METAP2: variants seen among roughly 807,000 people sequenced by gnomAD.
METAP2 encodes methionine aminopeptidase 2.
METAP2 carries 25 observed loss-of-function variants against 59.4 expected under a neutral mutation model. That is an observed-to-expected ratio of 0.42 (90% CI 0.31 to 0.59). METAP2 has a LOEUF of 0.59. Ranked by LOEUF, METAP2 falls within the 20% of genes least tolerant of loss-of-function variation. The pLI, the probability that METAP2 is intolerant of heterozygous loss-of-function variation, is 0.16. For missense variants in METAP2, 366 were observed against 581.2 expected, an observed-to-expected ratio of 0.63 and a Z score of 3.81; for synonymous variants, 214 against 194.1, an observed-to-expected ratio of 1.10 and a Z score of -0.85.
At chr12:95,511,045 G>A (rs1046340936) in intron 8 of METAP2, among the ~76,000 whole-genome samples, 3 of 152,116 alleles carry the variant, frequency 2.0e-5, no homozygotes, top group Non-Finnish European at 4.4e-5. Context: ...TCGTGAATAT[G>A]CCACAATTTG....
intron 8 of METAP2, among the ~76,000 whole-genome samples, chr12:95,507,874 G>C (rs2076373671): frequency 6.6e-6 from 1 of 151,180 alleles, no homozygotes; most frequent in African/African-American, 2.4e-5. Context: ...CGCCTCCCAG[G>C]TTCAAGCAGT....
chr12:95,497,994 G>A (rs2076287565), intron 7 of METAP2, among the ~76,000 whole-genome samples: 1 of 151,774 alleles, frequency 6.6e-6, no homozygotes, highest in Admixed American at 6.6e-5. Context: ...ATAGCTGGGT[G>A]TGGTGGCGGG....
rs752110034 is a variant in METAP2, at chr12:95,495,114, A to G, written c.748A>G (p.Ile250Val). ...ATTACAGTATGATGACATCTGTAAAATAGACTTTGGAACACATATAAGTGG... is the reference window on the plus strand; with the variant it reads ...ATTACAGTATGATGACATCTGTAAAGTAGACTTTGGAACACATATAAGTGG... ...TVLQYDDICK[I>V]DFGTHISGRI... The change falls in exon 6 of 11, where the codon ATA (isoleucine) becomes GTA (valine). Residue 250 changes from isoleucine (I) to valine (V), a missense_variant. By Grantham distance (29) the Ile-to-Val change is conservative. Coordinates refer to ENST00000323666, the MANE Select transcript of METAP2 (RefSeq NM_006838.4). 1 of 1,613,058 alleles carries G rather than the reference A, an allele frequency of 6.2e-7. No homozygotes were observed. The highest frequency in any genetic ancestry group is 2.2e-5 in the East Asian group (1 of 44,844).
chr12:95,494,152 A>G lies in METAP2; in HGVS notation c.525A>G (p.Ala175=). The change falls in exon 5 of 11, where the codon GCA becomes GCG. Residue 175 remains alanine, a synonymous_variant. Transcript: ENST00000323666. ...ATGATTTTCGAGAAGCTGCAGAAGC[A>G]CATCGACAAGTTAGAAAATACGTAA... ...IWNDFREAAE[A]HRQVRKYVMS... is the part of the protein sequence containing the mutation. The G allele has an allele frequency of 6.2e-7, 1 of 1,614,106 alleles. No homozygotes were observed. The highest frequency in any genetic ancestry group is 8.5e-7 in the Non-Finnish European group (1 of 1,179,980).
intron 7 of METAP2, among the ~76,000 whole-genome samples, chr12:95,503,142 A>G (rs1238882443): frequency 1.3e-5 from 2 of 152,054 alleles, no homozygotes; most frequent in African/African-American, 4.8e-5. Context: ...TATGTTGAAC[A>G]CTGCCTATTT....
At position 95,514,633 on chromosome 12, in the gene METAP2, C is replaced by G. The variant is rs917240880; in HGVS notation, c.*729C>G. The G allele has an allele frequency of 6.6e-6, 1 of 152,156 alleles. No individual in the cohort carries two copies. Among genetic ancestry groups the G allele is most frequent in the African/African-American group, 2.4e-5 (1 of 41,428 alleles). 9.4% of individuals were successfully genotyped at this position (152,156 alleles called of 1,614,324 possible). On this transcript the variant is annotated 3_prime_UTR_variant, in exon 11 of 11. Transcript: ENST00000323666. ...TAATTGAAACTTGACTTAGTAGGAACATTGTGCCAACTCAAAACCTTGATT... is the reference window on the plus strand; with the variant it reads ...TAATTGAAACTTGACTTAGTAGGAAGATTGTGCCAACTCAAAACCTTGATT...
rs2076441532 is a variant in METAP2, at chr12:95,515,548, CT to C, written c.*1648del. 6.6e-6 allele frequency: 1 copy of C among 152,282 alleles called. No homozygotes were observed. Among genetic ancestry groups the C allele is most frequent in the South Asian group, 2.1e-4 (1 of 4,830 alleles). 9.4% of individuals were successfully genotyped at this position (152,282 alleles called of 1,614,324 possible). A position where few individuals can be genotyped will look rare whatever the true frequency, so the allele number is the denominator to read the frequency against. On this transcript the variant is annotated 3_prime_UTR_variant, in exon 11 of 11. Transcript: ENST00000323666. Reference sequence around the variant, plus strand: ...TAGAATTGACCTTTATGAGTGAAGACTTTTGGAGCTTTTAAAGACCTTGGCA... The same window carrying C: ...TAGAATTGACCTTTATGAGTGAAGACTTTGGAGCTTTTAAAGACCTTGGCA...
intron 8 of METAP2, among the ~76,000 whole-genome samples, chr12:95,509,846 C>A (rs2076388865): frequency 6.8e-6 from 1 of 147,748 alleles, no homozygotes; most frequent in Admixed American, 6.7e-5. Flanking sequence ...TCCCCCCCAA[C>A]CTTTTTTTTT....
chr12:95,499,965 G>A (rs141808816), intron 7 of METAP2, among the ~76,000 whole-genome samples: 26 of 152,294 alleles, frequency 1.7e-4, no homozygotes, highest in African/African-American at 6.0e-4. Context: ...CCACCCCCAT[G>A]ATCCTATCAC....
chr12:95,475,951 T>C, intron 1 of METAP2, 120 bp from the exon 2 acceptor site: 1 of 605,294 alleles, frequency 1.7e-6, no homozygotes, highest in South Asian at 2.1e-5. Flanking sequence ...ATGTTCACAA[T>C]AATGTTTCTG....
At chr12:95,501,574 G>C (rs1362797828) in intron 7 of METAP2, among the ~76,000 whole-genome samples, 1 of 152,108 alleles carries the variant, frequency 6.6e-6, no homozygotes, top group Non-Finnish European at 1.5e-5. Flanking sequence ...AATTAGCTAG[G>C]CTTAGTGGCA....
chr12:95,504,052 ACT>A lies in METAP2; in HGVS notation c.868-10_868-9del, dbSNP rs778800399. 4.4e-6 allele frequency: 7 copies of A among 1,597,588 alleles called. No homozygotes were observed. The Admixed American group carries it at 1.0e-4, about 24-fold the overall frequency. ...CACTTTGAATAATAAAGCATATGTTACTCTTTTTTTAGTGTGCTGGAATTGAT... is the reference window on the plus strand; with the variant it reads ...CACTTTGAATAATAAAGCATATGTTACTTTTTTTAGTGTGCTGGAATTGAT... On this transcript the variant is annotated splice_polypyrimidine_tract_variant and intron_variant, in intron 7 of 10. Coordinates refer to ENST00000323666, the MANE Select transcript of METAP2 (RefSeq NM_006838.4).
chr12:95,486,501 CT>C (rs796963696), intron 4 of METAP2, among the ~76,000 whole-genome samples: 235 of 142,394 alleles, frequency 1.7e-3, no homozygotes, highest in Admixed American at 1.6e-3. Context: ...TTTAATGTTA[CT>C]TTTTTTTTTT....
chr12:95,496,177 G>A lies in METAP2; in HGVS notation c.867+79G>A, dbSNP rs186428832. ...CTTTTAAACACTTAACAGCATTTAAGCACTTTTAAGGCCTGTTTAAGGGCT... is the reference window on the plus strand; with the variant it reads ...CTTTTAAACACTTAACAGCATTTAAACACTTTTAAGGCCTGTTTAAGGGCT... On this transcript the variant is annotated intron_variant, in intron 7 of 10. Transcript: ENST00000323666. The A allele has an allele frequency of 2.6e-3, 2,233 of 845,094 alleles. 7 individuals carry two copies. The highest frequency in any genetic ancestry group is 3.5e-3 in the Non-Finnish European group (1,832 of 529,786). The allele number at this position is 845,094 out of a possible 1,614,324, so 52.3% of individuals were successfully genotyped here. A position where few individuals can be genotyped will look rare whatever the true frequency, so the allele number is the denominator to read the frequency against.
intron 8 of METAP2, among the ~76,000 whole-genome samples, chr12:95,506,296 C>CTTTT (rs59794359): frequency 6.7e-5 from 8 of 119,746 alleles, no homozygotes; most frequent in East Asian, 2.2e-4. Flanking sequence ...AATATATATG[C>CTTTT]TTTTTTTTTT....
intron 7 of METAP2, among the ~76,000 whole-genome samples, chr12:95,501,439 C>T (rs768599823): frequency 2.0e-5 from 3 of 151,980 alleles, no homozygotes; most frequent in African/African-American, 7.3e-5. Flanking sequence ...TAATTTTGGC[C>T]GCGCGCGGTG....
intron 8 of METAP2, among the ~76,000 whole-genome samples, chr12:95,505,410 C>A (rs1337307667): frequency 6.6e-6 from 1 of 152,174 alleles, no homozygotes; most frequent in Admixed American, 6.5e-5. Context: ...TCACTGCAAC[C>A]TTTGCCTCCT....
At chr12:95,479,278 G>T (rs1244779922) in intron 2 of METAP2, among the ~76,000 whole-genome samples, 1 of 152,184 alleles carries the variant, frequency 6.6e-6, no homozygotes, top group Non-Finnish European at 1.5e-5. Context: ...GAACAGTAGT[G>T]TGGAAGCAGA....
chr12:95,486,772 C>T (rs572358225), intron 4 of METAP2, among the ~76,000 whole-genome samples: 1 of 152,302 alleles, frequency 6.6e-6, no homozygotes, highest in East Asian at 1.9e-4. Context: ...GCTGGGATTA[C>T]AGGCATGAGC....
Sources: gnomAD v4.1 joint callset for allele counts (sites outside exome capture counted in the v4.1 genomes callset) on GRCh38, gnomAD v4.1.1 for gene constraint, MANE v1.5 for transcripts, NCBI Gene and HGNC (gene_info 2026-07-23, HGNC 2026-07-21) for gene names.